The following EVI5 variants were observed in gnomAD, a reference collection of about 807,000 sequenced individuals.
EVI5 encodes the protein ecotropic viral integration site 5, also known as ecotropic viral integration site 5 protein homolog.
EVI5 carries 73 observed loss-of-function variants against 112.0 expected under a neutral mutation model. The observed-to-expected ratio is 0.65, with a 90% CI of 0.54 to 0.79. The LOEUF (loss-of-function observed/expected upper bound fraction) is 0.79, where lower values mean the gene tolerates loss of function less well. Among genes scored for constraint, EVI5 ranks in the 30% least tolerant of loss-of-function variants. The pLI, the probability that EVI5 is intolerant of heterozygous loss-of-function variation, is 0.00. For synonymous variants in EVI5, 305 were observed against 319.9 expected, an observed-to-expected ratio of 0.95 and a Z score of 0.50; for missense variants, 900 against 968.8, an observed-to-expected ratio of 0.93 and a Z score of 0.94.
chr1:92,751,600 C>A (rs1021977314), intron 1 of EVI5, among the ~76,000 whole-genome samples: 2 of 152,194 alleles, frequency 1.3e-5, no homozygotes, highest in Non-Finnish European at 2.9e-5. Flanking sequence ...TGGAGTACCT[C>A]CTCTACTACC....
chr1:92,592,804 A>G (rs532920052), intron 18 of EVI5, among the ~76,000 whole-genome samples: 2 of 152,376 alleles, frequency 1.3e-5, no homozygotes, highest in African/African-American at 2.4e-5. Context: ...CTATGCAAAT[A>G]AACTAGAAAA....
chr1:92,542,442 C>T (rs1319271740), intron 19 of EVI5, among the ~76,000 whole-genome samples: 5 of 152,154 alleles, frequency 3.3e-5, no homozygotes, highest in East Asian at 3.8e-4. Context: ...ATCCCTCAAA[C>T]GGTTGGAATC....
At chr1:92,758,113 A>G (rs189076263) in intron 1 of EVI5, among the ~76,000 whole-genome samples, 60 of 152,290 alleles carry the variant, frequency 3.9e-4, no homozygotes, top group Admixed American at 3.9e-3. Context: ...CATACAATAT[A>G]ATACCATATT....
At chr1:92,737,801 A>G (rs1179632027) in intron 1 of EVI5, among the ~76,000 whole-genome samples, 1 of 152,236 alleles carries the variant, frequency 6.6e-6, no homozygotes, top group Non-Finnish European at 1.5e-5. Flanking sequence ...TTCTAAGGAC[A>G]TAGTTAAGCC....
intron 1 of EVI5, among the ~76,000 whole-genome samples, chr1:92,780,282 C>G (rs901999286): frequency 2.0e-5 from 3 of 152,200 alleles, no homozygotes; most frequent in Non-Finnish European, 4.4e-5. Flanking sequence ...CACCTCTTTT[C>G]TTTATAAATT....
chr1:92,685,786 A>G (rs953107213), intron 9 of EVI5, among the ~76,000 whole-genome samples: 2 of 152,222 alleles, frequency 1.3e-5, no homozygotes, highest in Non-Finnish European at 2.9e-5. Context: ...CAAATAAACT[A>G]GAAAATCTAG....
intron 16 of EVI5, among the ~76,000 whole-genome samples, chr1:92,612,805 T>C (rs1652174587): frequency 6.6e-6 from 1 of 151,092 alleles, no homozygotes; most frequent in African/African-American, 2.4e-5. Context: ...TTAAGCACTT[T>C]CTCACCTGAG....
At chr1:92,713,077 C>T (rs1464551658) in intron 2 of EVI5, among the ~76,000 whole-genome samples, 7 of 151,904 alleles carry the variant, frequency 4.6e-5, no homozygotes, top group Admixed American at 4.6e-4. Flanking sequence ...AGTGAGCCAC[C>T]AGGCCCAGCC....
At chr1:92,678,565 G>A (rs1299772205) in intron 9 of EVI5, among the ~76,000 whole-genome samples, 2 of 152,026 alleles carry the variant, frequency 1.3e-5, no homozygotes, top group African/African-American at 4.8e-5. Context: ...GAAAAAAGAT[G>A]TCCTGAAAAG....
chr1:92,526,998 G>C (rs1432276244), intron 19 of EVI5, among the ~76,000 whole-genome samples: 1 of 152,166 alleles, frequency 6.6e-6, no homozygotes, highest in African/African-American at 2.4e-5. Context: ...TAATTATTCT[G>C]TAACTCTGAC....
intron 19 of EVI5, among the ~76,000 whole-genome samples, chr1:92,561,839 TG>T (rs772878527): frequency 2.6e-5 from 4 of 152,196 alleles, no homozygotes; most frequent in Non-Finnish European, 5.9e-5. Flanking sequence ...GGTTTCACCA[TG>T]TTGGATGGGC....
At chr1:92,604,183 C>T (rs1395566489) in intron 18 of EVI5, among the ~76,000 whole-genome samples, 2 of 142,656 alleles carry the variant, frequency 1.4e-5, no homozygotes, top group Admixed American at 7.3e-5. Flanking sequence ...GACCTCATTG[C>T]TACTAAATAA....
At chr1:92,606,918 ACACACC>A (rs750436956) in intron 17 of EVI5, among the ~76,000 whole-genome samples, 7 of 101,918 alleles carry the variant, frequency 6.9e-5, no homozygotes, top group African/African-American at 1.3e-4. Context: ...ACACACACAC[ACACACC>A]CCCCCAAACC....
rs575574678 is a variant in EVI5 at position 92,684,586 on chromosome 1, C to T, written c.1098-7368G>A. On this transcript the variant is annotated intron_variant, in intron 9 of 19. Coordinates refer to ENST00000684568, the MANE Select transcript of EVI5 (RefSeq NM_001350197.2). Reference sequence around the variant, plus strand: ...TTAAATGTAAATGGGCTAAATGCTCCAATTAAAAGACACAGACTGGCAAAT... The same window carrying T: ...TTAAATGTAAATGGGCTAAATGCTCTAATTAAAAGACACAGACTGGCAAAT... Among the ~76,000 whole-genome samples, 112 of 152,130 alleles carry T rather than the reference C, an allele frequency of 7.4e-4. 1 individual carries two copies. The highest frequency in any genetic ancestry group is 6.8e-3 in the Middle Eastern group (2 of 294).
At chr1:92,653,569 A>G (rs1489929996) in intron 13 of EVI5, among the ~76,000 whole-genome samples, 1 of 152,222 alleles carries the variant, frequency 6.6e-6, no homozygotes, top group Non-Finnish European at 1.5e-5. Context: ...AGGCATAGCC[A>G]TGGCTGATAC....
intron 5 of EVI5, among the ~76,000 whole-genome samples, 188 bp from the exon 6 acceptor site, chr1:92,698,173 TTAAACAAA>T (rs1410407496): frequency 6.6e-6 from 1 of 152,078 alleles, no homozygotes; most frequent in Non-Finnish European, 1.5e-5. Context: ...GAATGAGAAG[TTAAACAAA>T]TCTTACAACC....
intron 1 of EVI5, chr1:92,756,378 T>C: frequency 3.8e-6 from 2 of 528,032 alleles, no homozygotes; most frequent in South Asian, 1.4e-5. Flanking sequence ...GAAGTACTGT[T>C]GCAAAATTAC....
rs546891566 is a variant in EVI5 at position 92,688,800 on chromosome 1, A to G, written c.1097+5002T>C. Among the ~76,000 whole-genome samples, 3 of 152,356 alleles carry G rather than the reference A, an allele frequency of 2.0e-5. No individual in the cohort carries two copies. In the South Asian group the frequency reaches 6.2e-4, roughly 32 times the overall value. On this transcript the variant is annotated intron_variant, in intron 9 of 19. Coordinates refer to ENST00000684568, the MANE Select transcript of EVI5 (RefSeq NM_001350197.2). The stretch of plus-strand genomic sequence containing the variant: ...ACATATAATTTTAATAATCTGTTAC[A>G]TATTTGCATCTAACAAGCCATTTAC...
At chr1:92,630,959 G>C (rs1413717099) in intron 14 of EVI5, among the ~76,000 whole-genome samples, 1 of 152,184 alleles carries the variant, frequency 6.6e-6, no homozygotes, top group East Asian at 1.9e-4. Context: ...TCTCAGGTTT[G>C]TCAAAGATCA....
Sources: gnomAD v4.1 joint callset for allele counts (sites outside exome capture counted in the v4.1 genomes callset) on GRCh38, gnomAD v4.1.1 for gene constraint, MANE v1.5 for transcripts, NCBI Gene and HGNC (gene_info 2026-07-23, HGNC 2026-07-21) for gene names.